The following TMEM132D variants were observed in gnomAD, a reference collection of about 807,000 sequenced individuals.
TMEM132D encodes the protein mature OL transmembrane protein.
A neutral mutation model predicts 62.3 loss-of-function variants in TMEM132D; 21 were observed. That is an observed-to-expected ratio of 0.34 (90% CI 0.24 to 0.49). The LOEUF (loss-of-function observed/expected upper bound fraction) is 0.49. Ranked by LOEUF, TMEM132D falls within the 20% of genes least tolerant of loss-of-function variation. The pLI, the probability that TMEM132D is intolerant of heterozygous loss-of-function variation, is 0.99. For synonymous variants in TMEM132D, 621 were observed against 575.6 expected, an observed-to-expected ratio of 1.08 and a Z score of -1.13; for missense variants, 1,346 against 1,402.8, an observed-to-expected ratio of 0.96 and a Z score of 0.65.
intron 2 of TMEM132D, among the ~76,000 whole-genome samples, chr12:129,625,104 T>C (rs2137162605): frequency 6.6e-6 from 1 of 152,350 alleles, no homozygotes; most frequent in East Asian, 1.9e-4. Context: ...TCCCTGATCA[T>C]TCCTAAAATT....
intron 5 of TMEM132D, among the ~76,000 whole-genome samples, chr12:129,143,569 T>C (rs1876805980): frequency 6.6e-6 from 1 of 152,206 alleles, no homozygotes; most frequent in Non-Finnish European, 1.5e-5. Flanking sequence ...AGAGAGATTC[T>C]GTTTCCTGAA....
intron 4 of TMEM132D, among the ~76,000 whole-genome samples, chr12:129,320,346 G>A (rs907032461): frequency 2.6e-5 from 4 of 152,170 alleles, no homozygotes; most frequent in Admixed American, 6.5e-5. Context: ...AGAATGTGCA[G>A]AGTAGCTACA....
intron 2 of TMEM132D, among the ~76,000 whole-genome samples, chr12:129,694,218 T>C (rs1938287552): frequency 6.6e-6 from 1 of 152,206 alleles, no homozygotes; most frequent in South Asian, 2.1e-4. Flanking sequence ...CTGTGGGCTG[T>C]ACGCACCCTC....
At chr12:129,149,300 C>T (rs898529985) in intron 5 of TMEM132D, among the ~76,000 whole-genome samples, 9 of 152,070 alleles carry the variant, frequency 5.9e-5, no homozygotes, top group East Asian at 3.9e-4. Flanking sequence ...ACCTAGATGA[C>T]GGGTTGATAG....
At chr12:129,745,476 C>G (rs1209100283) in intron 1 of TMEM132D, among the ~76,000 whole-genome samples, 1 of 152,150 alleles carries the variant, frequency 6.6e-6, no homozygotes, top group Non-Finnish European at 1.5e-5. Flanking sequence ...CCAGACTGCC[C>G]TTTCACAACA....
chr12:129,398,299 C>T (rs1237325864), intron 3 of TMEM132D, among the ~76,000 whole-genome samples: 1 of 152,148 alleles, frequency 6.6e-6, no homozygotes, highest in Non-Finnish European at 1.5e-5. Flanking sequence ...TGCCTGTTTT[C>T]CTCCCTGTGA....
At position 129,337,692 on chromosome 12, in the gene TMEM132D, C is replaced by G. The variant is rs770588397; in HGVS notation, c.1241G>C (p.Gly414Ala). The change falls in exon 4 of 9, where the codon GGA becomes GCA. Residue 414 changes from glycine (G) to alanine (A), a missense_variant. Coordinates refer to ENST00000422113, the MANE Select transcript of TMEM132D (RefSeq NM_133448.3). ...EYPGEITSDL[G>A]VSKIYVSPKD... ...TGGGCTCACATAGATCTTGGACACT[C>G]CCAAGTCAGACGTGATCTCTCCGGG... The G allele has an allele frequency of 4.3e-6, 7 of 1,614,100 alleles. No individual in the cohort carries two copies. Among genetic ancestry groups the G allele is most frequent in the African/African-American group, 1.3e-5 (1 of 74,952 alleles).
At chr12:129,202,911 G>A (rs1357810767) in intron 5 of TMEM132D, among the ~76,000 whole-genome samples, 1 of 152,132 alleles carries the variant, frequency 6.6e-6, no homozygotes, top group Admixed American at 6.5e-5. Flanking sequence ...CATAGTAGTT[G>A]CTCAAGAAAT....
At chr12:129,493,292 T>A (rs1874855938) in intron 3 of TMEM132D, among the ~76,000 whole-genome samples, 1 of 152,248 alleles carries the variant, frequency 6.6e-6, no homozygotes, top group African/African-American at 2.4e-5. Flanking sequence ...CAACCCACTT[T>A]AATATCTAAG....
At chr12:129,146,419 T>C (rs557411754) in intron 5 of TMEM132D, among the ~76,000 whole-genome samples, 1 of 152,338 alleles carries the variant, frequency 6.6e-6, no homozygotes, top group East Asian at 1.9e-4. Flanking sequence ...TGGTATGTAA[T>C]TTCAATTGTC....
chr12:129,433,454 G>T (rs746476134), intron 3 of TMEM132D, among the ~76,000 whole-genome samples: 7 of 152,050 alleles, frequency 4.6e-5, no homozygotes, highest in Admixed American at 1.3e-4. Flanking sequence ...TCCCCTCATT[G>T]CTTTCTTTTC....
At chr12:129,777,530 A>G (rs1870980321) in intron 1 of TMEM132D, among the ~76,000 whole-genome samples, 1 of 152,176 alleles carries the variant, frequency 6.6e-6, no homozygotes, top group Non-Finnish European at 1.5e-5. Context: ...CAGCAACTTC[A>G]GCAAGCTACT....
At chr12:129,500,180 T>G (rs1423953971) in intron 3 of TMEM132D, among the ~76,000 whole-genome samples, 4 of 145,070 alleles carry the variant, frequency 2.8e-5, no homozygotes, top group Non-Finnish European at 4.5e-5. Context: ...ACCTCATCTG[T>G]CCCCTACTTC....
intron 4 of TMEM132D, among the ~76,000 whole-genome samples, chr12:129,320,866 T>C (rs1868676953): frequency 6.6e-6 from 1 of 152,134 alleles, no homozygotes. Context: ...GACTTGGTAT[T>C]GGGTTGGATA....
intron 1 of TMEM132D, among the ~76,000 whole-genome samples, chr12:129,706,263 C>G (rs1274603455): frequency 6.6e-6 from 1 of 151,724 alleles, no homozygotes; most frequent in African/African-American, 2.4e-5. Flanking sequence ...AATAAGTTGA[C>G]TGAGGTATTT....
intron 5 of TMEM132D, among the ~76,000 whole-genome samples, chr12:129,086,195 C>CGT (rs1874612581): frequency 1.7e-5 from 1 of 59,576 alleles, no homozygotes; most frequent in African/African-American, 6.9e-5. Context: ...CATAGTCACG[C>CGT]GCGCGCGTGT....
chr12:129,547,355 C>T (rs984740294), intron 2 of TMEM132D, among the ~76,000 whole-genome samples: 13 of 152,304 alleles, frequency 8.5e-5, no homozygotes, highest in African/African-American at 2.9e-4. Context: ...CCTCCTGCCT[C>T]GGCCTCCCAA....
At chr12:129,900,485 C>T (rs73160285) in intron 1 of TMEM132D, among the ~76,000 whole-genome samples, 28,066 of 152,192 alleles carry the variant, frequency 0.18, 3,199 homozygotes, top group Non-Finnish European at 0.25. Flanking sequence ...GCCGCAGCCC[C>T]GCTCGCAATG....
At chr12:129,782,786 A>C (rs1018252016) in intron 1 of TMEM132D, among the ~76,000 whole-genome samples, 6 of 152,046 alleles carry the variant, frequency 3.9e-5, no homozygotes, top group African/African-American at 9.6e-5. Context: ...TGATAAATCC[A>C]GGTAAGTCAC....
Sources: allele counts gnomAD v4.1 joint callset (sites outside exome capture counted in the v4.1 genomes callset), GRCh38; gene constraint gnomAD v4.1.1; transcripts MANE v1.5; gene names NCBI Gene and HGNC (gene_info 2026-07-23, HGNC 2026-07-21).